Variants in TLN2 observed in about 807,000 individuals in gnomAD.
TLN2 encodes the protein talin 2, also known as talin-2.
In TLN2, 118 loss-of-function variants were observed where a neutral mutation model predicts 294.7. The ratio of observed to expected loss-of-function variants is 0.40; its 90% confidence interval spans 0.34 to 0.47. The LOEUF is 0.47. TLN2 is among the 20% of genes least tolerant of loss of function. TLN2 has a pLI of 0.84. For synonymous variants in TLN2, 1,431 were observed against 1,304.5 expected (o/e 1.10, Z -2.09); for missense variants, 3,083 against 3,282.2 (o/e 0.94, Z 1.48).
intron 2 of TLN2, among the ~76,000 whole-genome samples, chr15:62,607,734 C>A (rs550559675): frequency 1.7e-4 from 26 of 152,068 alleles, no homozygotes; most frequent in African/African-American, 6.0e-4. Flanking sequence ...CTTCCCCGCT[C>A]TTTTTTGTGT....
At chr15:62,676,430 T>C (rs573070047) in intron 11 of TLN2, among the ~76,000 whole-genome samples, 1 of 152,256 alleles carries the variant, frequency 6.6e-6, no homozygotes, top group Non-Finnish European at 1.5e-5. Flanking sequence ...AGAGGTCGAA[T>C]CTTTTACATT....
intron 1 of TLN2, among the ~76,000 whole-genome samples, chr15:62,394,189 T>C (rs189227798): frequency 3.3e-5 from 5 of 152,354 alleles, no homozygotes; most frequent in Admixed American, 2.6e-4. Flanking sequence ...TTTTGGAAAG[T>C]TGCCTGTCTG....
chr15:62,840,376 A>G, intron 58 of TLN2, 106 bp from the exon 59 acceptor site: 5 of 1,482,332 alleles, frequency 3.4e-6, no homozygotes, highest in Non-Finnish European at 4.6e-6. Flanking sequence ...GATGTGCTGC[A>G]GTGTCCCACG....
intron 2 of TLN2, among the ~76,000 whole-genome samples, chr15:62,598,375 G>T (rs947340935): frequency 1.3e-5 from 2 of 152,054 alleles, no homozygotes; most frequent in South Asian, 2.1e-4. Flanking sequence ...CCAGAAAATC[G>T]CTGCTTCTCT....
At position 62,490,430 on chromosome 15, in the gene TLN2, C is replaced by T. The variant is rs796695950; in HGVS notation, c.-237-99257C>T. ...TTAGCTGTGGCAGTAGGGCCTTCAG[C>T]ACATCCCAAAGACAGTTGGTTGGAA... On this transcript the variant is annotated intron_variant, in intron 1 of 58. Coordinates refer to ENST00000636159, the MANE Select transcript of TLN2 (RefSeq NM_015059.3). 7.2e-5 allele frequency among the ~76,000 whole-genome samples: 11 copies of T among 152,288 alleles called. 1 individual carries two copies. Among genetic ancestry groups the T allele is most frequent in the African/African-American group, 2.6e-4 (11 of 41,564 alleles).
intron 17 of TLN2, 99 bp from the exon 18 acceptor site, chr15:62,701,893 A>G (rs1352303425): frequency 1.5e-6 from 2 of 1,349,538 alleles, no homozygotes; most frequent in Non-Finnish European, 2.0e-6. Flanking sequence ...TGACTCCTGC[A>G]GGATGGTAGG....
intron 3 of TLN2, among the ~76,000 whole-genome samples, chr15:62,627,394 G>C (rs902910510): frequency 6.6e-5 from 10 of 152,318 alleles, no homozygotes; most frequent in Admixed American, 3.3e-4. Flanking sequence ...GAGGGAGTTG[G>C]TGAATTTTGG....
chr15:62,637,910 T>G (rs888857555), intron 3 of TLN2: 1 of 152,188 alleles, frequency 6.6e-6, no homozygotes, highest in East Asian at 1.9e-4. Context: ...GCTGAAATAA[T>G]TGAAGCAGTT....
At chr15:62,679,852 T>C (rs1325240396) in intron 11 of TLN2, among the ~76,000 whole-genome samples, 1 of 152,216 alleles carries the variant, frequency 6.6e-6, no homozygotes, top group Non-Finnish European at 1.5e-5. Flanking sequence ...GTGTGTTTAG[T>C]TCCATGCAAT....
chr15:62,771,994 T>A (rs1399079078), intron 42 of TLN2, among the ~76,000 whole-genome samples: 2 of 152,228 alleles, frequency 1.3e-5, no homozygotes, highest in African/African-American at 4.8e-5. Flanking sequence ...TGTCTTACTG[T>A]ATTGCCCAGG....
intron 41 of TLN2, among the ~76,000 whole-genome samples, chr15:62,768,507 A>G (rs1400833969): frequency 1.3e-5 from 2 of 152,142 alleles, no homozygotes; most frequent in Non-Finnish European, 2.9e-5. Context: ...TGCACCTGCA[A>G]ACACCCTTTT....
chr15:62,438,326 A>G (rs1390775567), intron 1 of TLN2, among the ~76,000 whole-genome samples: 1 of 152,084 alleles, frequency 6.6e-6, no homozygotes, highest in African/African-American at 2.4e-5. Flanking sequence ...TTGTGGAAAT[A>G]TGCCATATCC....
chr15:62,840,681 G>A lies in TLN2; in HGVS notation c.*71G>A. 1 of 1,548,898 alleles carries A rather than the reference G, an allele frequency of 6.5e-7. No homozygotes were observed. The highest frequency in any genetic ancestry group is 2.0e-5 in the Admixed American group (1 of 49,344). On this transcript the variant is annotated 3_prime_UTR_variant, in exon 59 of 59. Coordinates refer to ENST00000636159, the MANE Select transcript of TLN2 (RefSeq NM_015059.3). ...ACTGGACAGACAGTGTTCCTGAGAG[G>A]CTGGGCACTTAGCTGGAAACCGCCC...
At chr15:62,734,605 T>G (rs565440599) in intron 28 of TLN2, among the ~76,000 whole-genome samples, 2 of 152,372 alleles carry the variant, frequency 1.3e-5, no homozygotes, top group South Asian at 4.1e-4. Context: ...TTGTTCACCT[T>G]TGTGCTTTCT....
chr15:62,582,923 G>C (rs1484697457), intron 1 of TLN2, among the ~76,000 whole-genome samples: 1 of 152,050 alleles, frequency 6.6e-6, no homozygotes, highest in Non-Finnish European at 1.5e-5. Flanking sequence ...AGGAATTGAG[G>C]GTGGGGAAGG....
intron 1 of TLN2, among the ~76,000 whole-genome samples, chr15:62,447,958 G>T (rs1469017783): frequency 6.6e-6 from 1 of 152,204 alleles, no homozygotes; most frequent in Non-Finnish European, 1.5e-5. Context: ...AATAGAACTT[G>T]GCTATTCCTC....
At chr15:62,773,073 G>C (rs770196257) in intron 42 of TLN2, among the ~76,000 whole-genome samples, 77 of 151,938 alleles carry the variant, frequency 5.1e-4, no homozygotes, top group Non-Finnish European at 9.6e-4. Context: ...TCTGCTTTCT[G>C]GTAAAGCAGA....
intron 1 of TLN2, among the ~76,000 whole-genome samples, chr15:62,556,893 A>G (rs1464281897): frequency 1.3e-5 from 2 of 152,196 alleles, no homozygotes; most frequent in Non-Finnish European, 2.9e-5. Flanking sequence ...AAACATTTTG[A>G]TAAGAAAGTA....
chr15:62,798,420 C>T (rs1013608968), intron 48 of TLN2, among the ~76,000 whole-genome samples: 27 of 152,148 alleles, frequency 1.8e-4, no homozygotes, highest in African/African-American at 5.1e-4. Flanking sequence ...TGCGGCACAG[C>T]TCTTGGCACA....
Sources: gnomAD v4.1 joint callset for allele counts (sites outside exome capture counted in the v4.1 genomes callset) on GRCh38, gnomAD v4.1.1 for gene constraint, MANE v1.5 for transcripts, NCBI Gene and HGNC (gene_info 2026-07-23, HGNC 2026-07-21) for gene names.